ATG4A: variants seen among roughly 807,000 people sequenced by gnomAD.
ATG4A encodes autophagy related 4A cysteine peptidase.
Under a neutral mutation model 38.4 loss-of-function variants are expected in ATG4A, and 22 were observed. The ratio of observed to expected loss-of-function variants is 0.57; its 90% confidence interval spans 0.41 to 0.82. The LOEUF (loss-of-function observed/expected upper bound fraction) is 0.82. Ranked by LOEUF, ATG4A falls within the 40% of genes least tolerant of loss-of-function variation. The pLI, the probability that ATG4A is intolerant of heterozygous loss-of-function variation, is 0.00. For synonymous variants in ATG4A, 86 were observed against 100.7 expected (o/e 0.85, Z 0.88); for missense variants, 220 against 290.0 (o/e 0.76, Z 1.75).
chrX:108,120,312 C>T (rs1304815802), intron 1 of ATG4A, among the ~76,000 whole-genome samples: 2 of 111,934 alleles, frequency 1.8e-5, no homozygotes, highest in African/African-American at 6.5e-5. Flanking sequence ...TTTTATCCTT[C>T]TGGAAATGGC....
intron 6 of ATG4A, among the ~76,000 whole-genome samples, chrX:108,134,696 G>A (rs960511336): frequency 3.6e-5 from 4 of 111,870 alleles, no homozygotes; most frequent in African/African-American, 1.3e-4. Flanking sequence ...CATGTGCCTG[G>A]GAGCCATTGG....
upstream of ATG4A, among the ~76,000 whole-genome samples, chrX:108,089,160 C>T (rs1466825629): frequency 1.8e-5 from 2 of 112,469 alleles, no homozygotes; most frequent in Non-Finnish European, 3.7e-5. Flanking sequence ...ACATTATTTA[C>T]GTACTTTTAT....
intron 1 of ATG4A, among the ~76,000 whole-genome samples, chrX:108,117,437 A>G (rs1281795219): frequency 8.9e-6 from 1 of 112,225 alleles, no homozygotes; most frequent in African/African-American, 3.2e-5. Context: ...AAACTGAAGA[A>G]GAATGATTCA....
chrX:108,150,603 C>G (rs1249768386), intron 10 of ATG4A, among the ~76,000 whole-genome samples: 2 of 112,885 alleles, frequency 1.8e-5, no homozygotes, highest in African/African-American at 6.4e-5. Flanking sequence ...CTGGGGAGGA[C>G]TCCCAATCAT....
At position 108,154,042 on chromosome X, in the gene ATG4A, C is replaced by T. The variant is rs918586584; in HGVS notation, c.*330C>T. 2 of 166,405 alleles carry T rather than the reference C, an allele frequency of 1.2e-5. No homozygotes were observed. The highest frequency in any genetic ancestry group is 6.1e-5 in the African/African-American group (2 of 32,764). 13.7% of individuals were successfully genotyped at this position (166,405 alleles called of 1,213,427 possible). A position where few individuals can be genotyped will look rare whatever the true frequency, so the allele number is the denominator to read the frequency against. ...AGGAAATGGGCATCTGGAAGACAAA[C>T]AGCAACTCTCAGCTTGCTTCAAGAA... On this transcript the variant is annotated 3_prime_UTR_variant, in exon 13 of 13. Coordinates refer to ENST00000372232, the MANE Select transcript of ATG4A (RefSeq NM_052936.5).
intron 1 of ATG4A, among the ~76,000 whole-genome samples, chrX:108,124,850 A>T (rs1332622795): frequency 8.9e-6 from 1 of 111,978 alleles, no homozygotes; most frequent in African/African-American, 3.2e-5. Context: ...AAATAAAATA[A>T]AACAATTTAT....
At chrX:108,112,486 G>A (rs1186599566) in intron 1 of ATG4A, among the ~76,000 whole-genome samples, 1 of 109,664 alleles carries the variant, frequency 9.1e-6, no homozygotes, top group Non-Finnish European at 1.9e-5. Flanking sequence ...CCGCCTCCCG[G>A]GTTCACGCCA....
chrX:108,103,875 T>G (rs1216548758), intron 1 of ATG4A, among the ~76,000 whole-genome samples: 1 of 111,923 alleles, frequency 8.9e-6, no homozygotes, highest in Non-Finnish European at 1.9e-5. Context: ...TGAGACAGAG[T>G]TTCTCTTGTT....
At chrX:108,115,046 A>G (rs2032465677) in intron 1 of ATG4A, among the ~76,000 whole-genome samples, 2 of 110,398 alleles carry the variant, frequency 1.8e-5, no homozygotes, top group Non-Finnish European at 3.8e-5. Context: ...AATTAGCCTT[A>G]TAGATAATAT....
chrX:108,115,237 C>A, intron 1 of ATG4A, among the ~76,000 whole-genome samples: 1 of 108,807 alleles, frequency 9.2e-6, no homozygotes. Flanking sequence ...ACAGTCTATA[C>A]CAGAAATAAA....
At chrX:108,103,164 T>C (rs1326109002) in intron 1 of ATG4A, among the ~76,000 whole-genome samples, 1 of 111,888 alleles carries the variant, frequency 8.9e-6, no homozygotes, top group Non-Finnish European at 1.9e-5. Context: ...AAGGACATGA[T>C]CTCTTTCCTT....
At chrX:108,108,592 C>CT (rs1438387600) in intron 1 of ATG4A, among the ~76,000 whole-genome samples, 1 of 110,179 alleles carries the variant, frequency 9.1e-6, no homozygotes, top group Non-Finnish European at 1.9e-5. Flanking sequence ...TTATTTTTAG[C>CT]TTTTTTTTAA....
intron 9 of ATG4A, among the ~76,000 whole-genome samples, chrX:108,138,868 C>T (rs985998701): frequency 5.4e-5 from 6 of 111,789 alleles, no homozygotes; most frequent in South Asian, 3.8e-4. Context: ...GTCTTGGGTG[C>T]GGCCTGAGTT....
Position 108,126,225 on chromosome X carries a change from G to C in ATG4A, c.121+38G>C, listed in dbSNP as rs143574354. ...AGCATTTGTCTGTAAGAACCCAGAT[G>C]AGGTAGGCACCTGTGGTTCAGGGTT... is the stretch of plus-strand genomic sequence containing the variant. On this transcript the variant is annotated intron_variant, in intron 2 of 12. Coordinates refer to ENST00000372232, the MANE Select transcript of ATG4A (RefSeq NM_052936.5). 9.8e-4 allele frequency: 999 copies of C among 1,014,706 alleles called. 8 individuals carry two copies. The African/African-American group carries it at 0.017, about 17-fold the overall frequency. 83.6% of individuals were successfully genotyped at this position (1,014,706 alleles called of 1,213,427 possible).
intron 1 of ATG4A, among the ~76,000 whole-genome samples, chrX:108,099,672 G>C: frequency 9.0e-6 from 1 of 111,631 alleles, no homozygotes; most frequent in Non-Finnish European, 1.9e-5. Flanking sequence ...TTAATATTTG[G>C]CATAAAATGT....
At chrX:108,141,654 G>T (rs1032047667) in intron 9 of ATG4A, among the ~76,000 whole-genome samples, 4 of 110,973 alleles carry the variant, frequency 3.6e-5, no homozygotes, top group Non-Finnish European at 7.5e-5. Context: ...AGAAGGAGAT[G>T]TTGGTTCCTT....
chrX:108,116,940 T>G (rs2032525369), intron 1 of ATG4A, among the ~76,000 whole-genome samples: 1 of 112,180 alleles, frequency 8.9e-6, no homozygotes, highest in Non-Finnish European at 1.9e-5. Flanking sequence ...ATGCCTCGGA[T>G]TGACTTAGAT....
chrX:108,118,522 T>C (rs1460195939), intron 1 of ATG4A, among the ~76,000 whole-genome samples: 1 of 111,768 alleles, frequency 8.9e-6, no homozygotes, highest in Non-Finnish European at 1.9e-5. Flanking sequence ...CTCAAGGGGC[T>C]GTCACCAGAA....
Position 108,134,396 on chromosome X carries a change from T to C in ATG4A, c.452T>C (p.Val151Ala). 8.3e-7 allele frequency: 1 copy of C among 1,209,513 alleles called. No individual in the cohort carries two copies. Among genetic ancestry groups the C allele is most frequent in the Non-Finnish European group, 1.1e-6 (1 of 893,821 alleles). ...GGAGAATGGTTTGGACCAAATACAG[T>C]TGCACAGGTGTTAAAGTAAGTAAAA... ...SIGEWFGPNT[V>A]AQVLKKLALF... Residue 151 changes from valine (V) to alanine (A), a missense_variant, in exon 6 of 13, where the codon GTT becomes GCT. Physicochemically the swap from Val to Ala is moderately conservative, Grantham distance 64. This residue lies in a region of ATG4A where 159 missense variants were observed against 188.9 expected (regional missense o/e 0.84). Coordinates refer to ENST00000372232, the MANE Select transcript of ATG4A (RefSeq NM_052936.5).
Sources: gnomAD v4.1 joint callset for allele counts (sites outside exome capture counted in the v4.1 genomes callset) on GRCh38, gnomAD v4.1.1 for gene constraint, gnomAD v4.1.1 regional missense constraint, MANE v1.5 for transcripts, NCBI Gene and HGNC (gene_info 2026-07-23, HGNC 2026-07-21) for gene names.